PPIH: variants seen among roughly 807,000 people sequenced by gnomAD.
PPIH encodes peptidyl-prolyl cis-trans isomerase H.
In PPIH, 16 loss-of-function variants were observed where a neutral mutation model predicts 27.6. That is an observed-to-expected ratio of 0.58 (90% CI 0.39 to 0.88). The LOEUF (loss-of-function observed/expected upper bound fraction) is 0.88, where lower values mean the gene tolerates loss of function less well. Among genes scored for constraint, PPIH ranks in the 40% least tolerant of loss-of-function variants. PPIH has a pLI of 0.00. For missense variants in PPIH, 155 were observed against 224.1 expected, an observed-to-expected ratio of 0.69 and a Z score of 1.97; for synonymous variants, 63 against 76.1, an observed-to-expected ratio of 0.83 and a Z score of 0.90.
At chr1:42,660,246 C>A (rs754667412) in intron 4 of PPIH, among the ~76,000 whole-genome samples, 1 of 152,166 alleles carries the variant, frequency 6.6e-6, no homozygotes, top group Non-Finnish European at 1.5e-5. Context: ...TACATCAAAC[C>A]CTTGCTCTGC....
At position 42,658,512 on chromosome 1, in the gene PPIH, G is replaced by C; in HGVS notation, c.66G>C (p.Gln22His). ...TCTTTGATGTCAGTATTGGCGGTCA[G>C]GTGAGATCCAGGAGGCTGCCCACAC... Reference protein sequence around the residue: ...VVFFDVSIGGQEVGRMKIELF... With the variant: ...VVFFDVSIGGHEVGRMKIELF... The change falls in exon 1 of 10, where the codon CAG becomes CAC. Residue 22 changes from glutamine to histidine, a missense_variant and splice_region_variant. Physicochemically the swap from Gln to His is conservative, Grantham distance 24. Coordinates refer to ENST00000304979, the MANE Select transcript of PPIH (RefSeq NM_006347.4). 1 of 1,613,824 alleles carries C rather than the reference G, an allele frequency of 6.2e-7. No homozygotes were observed. Among genetic ancestry groups the C allele is most frequent in the Non-Finnish European group, 8.5e-7 (1 of 1,179,710 alleles).
chr1:42,669,158 T>TA (rs759193881), intron 9 of PPIH, among the ~76,000 whole-genome samples: 31 of 145,254 alleles, frequency 2.1e-4, no homozygotes, highest in Admixed American at 1.7e-3. Flanking sequence ...TGCAGTGAGC[T>TA]ATAATCACAC....
downstream of PPIH, among the ~76,000 whole-genome samples, chr1:42,680,947 G>A (rs574351562): frequency 8.5e-4 from 129 of 152,256 alleles, 1 homozygote; most frequent in Non-Finnish European, 5.6e-4. Flanking sequence ...GTGACAGTAG[G>A]AATGAAAAGA....
chr1:42,667,777 C>A (rs1025034924), intron 9 of PPIH, among the ~76,000 whole-genome samples: 4 of 152,160 alleles, frequency 2.6e-5, no homozygotes. Flanking sequence ...TTCAGTAGTC[C>A]CCCTAGAAAG....
At chr1:42,672,771 C>T (rs1334876968) in intron 9 of PPIH, among the ~76,000 whole-genome samples, 4 of 151,542 alleles carry the variant, frequency 2.6e-5, no homozygotes, top group Admixed American at 2.6e-4. Context: ...CTCAGCCTCC[C>T]GAATAGCAGG....
chr1:42,667,581 C>T (rs939749372), intron 9 of PPIH, 141 bp downstream of exon 9: 3 of 628,402 alleles, frequency 4.8e-6, no homozygotes, highest in Admixed American at 2.8e-5. Context: ...CACTTTCCTT[C>T]TCTGAGCACA....
At chr1:42,672,033 AC>A (rs200007238) in intron 9 of PPIH, among the ~76,000 whole-genome samples, 2,117 of 151,648 alleles carry the variant, frequency 0.014, 63 homozygotes, top group African/African-American at 0.049. Context: ...ACAGGTGCCC[AC>A]CACCGCACCC....
rs865932711 is a variant in PPIH, at chr1:42,670,423, G to C, written c.*21+2983G>C. Among the ~76,000 whole-genome samples the C allele has an allele frequency of 1.3e-5, 2 of 152,236 alleles. 1 individual carries two copies. The highest frequency in any genetic ancestry group is 6.8e-3 in the Middle Eastern group (2 of 294). ...AGAATAAAGTTTAGAAATTCTTAAT[G>C]TTGGGGCCTCTTTTCTGTATCTTTT... is the stretch of plus-strand genomic sequence containing the variant. On this transcript the variant is annotated intron_variant, in intron 9 of 9. Coordinates refer to ENST00000304979, the MANE Select transcript of PPIH (RefSeq NM_006347.4).
chr1:42,667,225 G>T (rs1176597190), intron 8 of PPIH, 126 bp from the exon 9 acceptor site: 2 of 753,494 alleles, frequency 2.7e-6, no homozygotes, highest in East Asian at 2.7e-5. Flanking sequence ...TTACCTGTCT[G>T]CCAGGACATG....
At chr1:42,667,809 ACT>A (rs970684259) in intron 9 of PPIH, among the ~76,000 whole-genome samples, 5 of 152,136 alleles carry the variant, frequency 3.3e-5, no homozygotes, top group African/African-American at 4.8e-5. Context: ...GGCCTGAGTA[ACT>A]CTCTGCTGGG....
At chr1:42,677,060 C>T (rs1427602672), downstream of PPIH, among the ~76,000 whole-genome samples, 1 of 152,158 alleles carries the variant, frequency 6.6e-6, no homozygotes, top group Non-Finnish European at 1.5e-5. Context: ...TGGATTGAGC[C>T]CGTGAGGAAA....
In PPIH at chr1:42,660,866, AT is replaced by A; in HGVS notation, c.206del (p.Ile69LysfsTer5). On this transcript the variant is annotated frameshift_variant, in exon 5 of 10. Transcript: ENST00000304979. LOFTEE classifies it high-confidence loss of function. ...ATTCTTTGCTCTCTGTTTCAGGGTC[AT>A]AAAGGATTTCATGATTCAGGGTGGA... ...GYKGSTFHRV[I>X]KDFMIQGGDF... 1 of 1,608,652 alleles carries A rather than the reference AT, an allele frequency of 6.2e-7. No homozygotes were observed. Among genetic ancestry groups the A allele is most frequent in the Non-Finnish European group, 8.5e-7 (1 of 1,176,672 alleles).
downstream of PPIH, chr1:42,681,431 G>C (rs1052359366): frequency 6.6e-6 from 1 of 152,162 alleles, no homozygotes; most frequent in Non-Finnish European, 1.5e-5. Context: ...GCCTCCATCA[G>C]AAGGCAGAAA....
intron 5 of PPIH, among the ~76,000 whole-genome samples, chr1:42,663,957 A>T (rs938604425): frequency 1.3e-5 from 2 of 152,186 alleles, no homozygotes; most frequent in Non-Finnish European, 2.9e-5. Flanking sequence ...TATTTAAGGC[A>T]CTGCAAATAT....
chr1:42,661,892 G>C (rs1181246195), intron 5 of PPIH, among the ~76,000 whole-genome samples: 2 of 152,072 alleles, frequency 1.3e-5, no homozygotes, highest in Non-Finnish European at 2.9e-5. Flanking sequence ...AAGTATGCTG[G>C]GCCTGCATTT....
chr1:42,667,651 T>TA (rs1649414414), intron 9 of PPIH, among the ~76,000 whole-genome samples: 1 of 152,144 alleles, frequency 6.6e-6, no homozygotes, highest in Admixed American at 6.5e-5. Flanking sequence ...ACTGTAAAAA[T>TA]AAAAAGAGAA....
At chr1:42,668,108 A>G (rs1314631538) in intron 9 of PPIH, among the ~76,000 whole-genome samples, 1 of 152,224 alleles carries the variant, frequency 6.6e-6, no homozygotes, top group Non-Finnish European at 1.5e-5. Flanking sequence ...GACATTGCCA[A>G]GTATGAGAAG....
intron 4 of PPIH, among the ~76,000 whole-genome samples, chr1:42,660,576 T>G (rs1648952078): frequency 6.6e-6 from 1 of 152,142 alleles, no homozygotes; most frequent in Non-Finnish European, 1.5e-5. Flanking sequence ...ACTACAGGCA[T>G]GTGCCACCAC....
intron 9 of PPIH, among the ~76,000 whole-genome samples, chr1:42,671,446 A>T (rs1026919610): frequency 6.6e-6 from 1 of 152,124 alleles, no homozygotes; most frequent in South Asian, 2.1e-4. Flanking sequence ...ATAAGTAAAT[A>T]AAAAAATAAT....
Sources: gnomAD v4.1 joint callset for allele counts (sites outside exome capture counted in the v4.1 genomes callset) on GRCh38, gnomAD v4.1.1 for gene constraint, MANE v1.5 for transcripts, NCBI Gene and HGNC (gene_info 2026-07-23, HGNC 2026-07-21) for gene names.